RIOK2: variants seen among roughly 807,000 people sequenced by gnomAD.
RIOK2 encodes serine/threonine-protein kinase RIO2.
A neutral mutation model predicts 62.4 loss-of-function variants in RIOK2; 46 were observed. The ratio of observed to expected loss-of-function variants is 0.74; its 90% CI spans 0.58 to 0.94. RIOK2 has a LOEUF of 0.94. Ranked by LOEUF, RIOK2 falls within the 40% of genes least tolerant of loss-of-function variation. The pLI, the probability that RIOK2 is intolerant of heterozygous loss-of-function variation, is 0.00. For synonymous variants in RIOK2, 197 were observed against 216.0 expected (o/e 0.91, Z 0.77); for missense variants, 574 against 658.0 (o/e 0.87, Z 1.40).
intron 6 of RIOK2, among the ~76,000 whole-genome samples, chr5:97,170,544 G>T (rs1333207532): frequency 2.0e-5 from 3 of 152,120 alleles, no homozygotes; most frequent in Admixed American, 1.3e-4. Context: ...GACAAAAGTG[G>T]TTCTAGAGTT....
At chr5:97,180,161 T>TATATATATATAA (rs1749364708) in intron 1 of RIOK2, among the ~76,000 whole-genome samples, 1 of 132,042 alleles carries the variant, frequency 7.6e-6, no homozygotes, top group Non-Finnish European at 1.6e-5. Flanking sequence ...TATATATATA[T>TATATATATATAA]GTGCTTTTTA....
chr5:97,178,187 A>G (rs1580277189), intron 2 of RIOK2, among the ~76,000 whole-genome samples: 3 of 152,226 alleles, frequency 2.0e-5, no homozygotes, highest in African/African-American at 7.2e-5. Context: ...TTTGTATTTT[A>G]TAAAAGTAAG....
Position 97,171,201 on chromosome 5 carries a change from C to T in RIOK2, c.779+5G>A, listed in dbSNP as rs776124965. The stretch of plus-strand genomic sequence containing the variant: ...AATAAAAATAAAAAAATAGCAAGTA[C>T]GTACCACTCAGCATTGGGATGAGAA... On this transcript the variant is annotated splice_donor_5th_base_variant and intron_variant, in intron 6 of 9. Coordinates refer to ENST00000283109, the MANE Select transcript of RIOK2 (RefSeq NM_018343.3). The T allele has an allele frequency of 6.8e-6, 10 of 1,469,940 alleles. No homozygotes were observed. Among genetic ancestry groups the T allele is most frequent in the East Asian group, 2.4e-5 (1 of 40,906 alleles). 91.1% of individuals were successfully genotyped at this position (1,469,940 alleles called of 1,614,324 possible).
chr5:97,177,185 T>A lies in RIOK2; in HGVS notation c.429A>T (p.Lys143Asn), dbSNP rs770830670. 6.2e-7 allele frequency: 1 copy of A among 1,613,308 alleles called. No homozygotes were observed. The highest frequency in any genetic ancestry group is 1.3e-5 in the African/African-American group (1 of 74,916). ...RNLKNKRDYH[K>N]HRHNVSWLYL... ...ATAGCCATGACACATTGTGCCTATGTTTATGATAATCGCGTTTGTTTTTCA... is the reference window on the plus strand; with the variant it reads ...ATAGCCATGACACATTGTGCCTATGATTATGATAATCGCGTTTGTTTTTCA... Residue 143 changes from lysine (K) to asparagine (N), a missense_variant, in exon 4 of 10, where the codon AAA becomes AAT. Transcript: ENST00000283109.
intron 2 of RIOK2, 119 bp from the exon 3 acceptor site, chr5:97,177,967 C>T (rs1749217081): frequency 4.7e-6 from 3 of 643,194 alleles, no homozygotes; most frequent in Non-Finnish European, 5.4e-6. Context: ...AGATAAACTG[C>T]CCAGGCTCAC....
At chr5:97,180,156 A>ATGTATATATATATG (rs1484873183) in intron 1 of RIOK2, among the ~76,000 whole-genome samples, 1 of 132,318 alleles carries the variant, frequency 7.6e-6, no homozygotes, top group Non-Finnish European at 1.6e-5. Flanking sequence ...ATATATATAT[A>ATGTATATATATATG]TATATGTGCT....
At chr5:97,180,394 A>T (rs961364836) in intron 1 of RIOK2, among the ~76,000 whole-genome samples, 4 of 151,900 alleles carry the variant, frequency 2.6e-5, no homozygotes, top group Non-Finnish European at 4.4e-5. Context: ...AGTGAAAGAA[A>T]AAGATTTGAA....
intron 4 of RIOK2, among the ~76,000 whole-genome samples, chr5:97,173,752 A>T (rs1749081895): frequency 6.6e-6 from 1 of 152,208 alleles, no homozygotes; most frequent in Admixed American, 6.5e-5. Flanking sequence ...TTTGGTTTAT[A>T]GGGCACTGAA....
chr5:97,174,575 C>T (rs183907725), intron 4 of RIOK2, among the ~76,000 whole-genome samples: 66 of 152,220 alleles, frequency 4.3e-4, no homozygotes, highest in African/African-American at 1.4e-3. Flanking sequence ...AGGACAGTCA[C>T]CTCAGTGTCA....
intron 9 of RIOK2, among the ~76,000 whole-genome samples, chr5:97,164,265 C>G (rs1429215260): frequency 6.6e-6 from 1 of 151,776 alleles, no homozygotes; most frequent in African/African-American, 2.4e-5. Flanking sequence ...CTTTGGGAGG[C>G]TGAGGTGGGT....
At position 97,167,988 on chromosome 5, in the gene RIOK2, T is replaced by C; in HGVS notation, c.876A>G (p.Arg292=). ...AAACCTCCACATCAAGAGTGTCTTC[T>C]CTCCTAGAAAAAAAAGGCGTCAAGC... The part of the protein sequence containing the change: ...ELFPTFKDIR[R]EDTLDVEVSA... Residue 292 remains arginine, a synonymous_variant, in exon 8 of 10, where the codon AGA becomes AGG. Transcript: ENST00000283109. 1 of 1,576,782 alleles carries C rather than the reference T, an allele frequency of 6.3e-7. No individual in the cohort carries two copies. The highest frequency in any genetic ancestry group is 8.5e-7 in the Non-Finnish European group (1 of 1,170,514).
chr5:97,171,493 C>G (rs1343422730), intron 5 of RIOK2, 96 bp from the exon 6 acceptor site: 4 of 754,996 alleles, frequency 5.3e-6, no homozygotes, highest in Non-Finnish European at 7.6e-6. Flanking sequence ...TATTTCCATG[C>G]TGTGTATCCC....
intron 5 of RIOK2, 126 bp from the exon 6 acceptor site, chr5:97,171,523 C>T (rs968792143): frequency 3.4e-5 from 17 of 500,220 alleles, no homozygotes; most frequent in African/African-American, 2.4e-4. Flanking sequence ...TCTTCTCATT[C>T]CCATCAGCAC....
chr5:97,177,890 T>C (rs183495528), intron 2 of RIOK2, 42 bp from the exon 3 acceptor site: 16 of 1,254,448 alleles, frequency 1.3e-5, no homozygotes, highest in African/African-American at 7.4e-5. Flanking sequence ...TTCAGTTACA[T>C]TGTACAACCA....
chr5:97,171,372 G>C lies in RIOK2; in HGVS notation c.613C>G (p.Pro205Ala), dbSNP rs755254253. ...PLCQIHHVED[P>A]ASVYDEAMEL... Reference sequence around the variant, plus strand: ...ATAGCTTCATCATATACTGATGCAGGATCTTCAACATGGTGTATCTGACAT... The same window carrying C: ...ATAGCTTCATCATATACTGATGCAGCATCTTCAACATGGTGTATCTGACAT... Residue 205 changes from proline (P) to alanine (A), a missense_variant, in exon 6 of 10, where the codon CCT (proline) becomes GCT (alanine). Coordinates refer to ENST00000283109, the MANE Select transcript of RIOK2 (RefSeq NM_018343.3). The C allele has an allele frequency of 1.9e-6, 3 of 1,551,896 alleles. No individual in the cohort carries two copies. The highest frequency in any genetic ancestry group is 2.5e-5 in the South Asian group (2 of 80,610).
At chr5:97,180,027 A>AATATATATATTATATATATTAT (rs1749327161) in intron 1 of RIOK2, among the ~76,000 whole-genome samples, 1 of 63,472 alleles carries the variant, frequency 1.6e-5, no homozygotes, top group Non-Finnish European at 3.0e-5. Context: ...ATATATATAT[A>AATATATATATTATATATATTAT]ATATATATAT....
At chr5:97,173,323 T>A in intron 4 of RIOK2, 60 bp from the exon 5 acceptor site, 1 of 1,026,460 alleles carries the variant, frequency 9.7e-7, no homozygotes. Flanking sequence ...TAAAGAACAA[T>A]AAAAGTAAAT....
chr5:97,173,426 G>A (rs765053618), intron 4 of RIOK2, among the ~76,000 whole-genome samples, 163 bp from the exon 5 acceptor site: 34 of 151,996 alleles, frequency 2.2e-4, no homozygotes, highest in Non-Finnish European at 4.4e-4. Context: ...TATTCACTGC[G>A]TAGAATTAGC....
intron 1 of RIOK2, among the ~76,000 whole-genome samples, chr5:97,181,986 T>G (rs1397335244): frequency 6.6e-6 from 1 of 152,228 alleles, no homozygotes; most frequent in African/African-American, 2.4e-5. Context: ...AGATTAATTT[T>G]AAAAATCCAA....
Sources: gnomAD v4.1 joint callset for allele counts (sites outside exome capture counted in the v4.1 genomes callset) on GRCh38, gnomAD v4.1.1 for gene constraint, MANE v1.5 for transcripts, NCBI Gene and HGNC (gene_info 2026-07-23, HGNC 2026-07-21) for gene names.